Variants in CCDC175 observed in about 807,000 individuals in gnomAD.
The protein encoded by CCDC175 is coiled-coil domain containing 175, also known as coiled-coil domain-containing protein 175.
A neutral mutation model predicts 114.6 loss-of-function variants in CCDC175; 100 were observed. The ratio of observed to expected loss-of-function variants is 0.87; its 90% CI spans 0.74 to 1.03. The LOEUF (loss-of-function observed/expected upper bound fraction) is 1.03. CCDC175 is among the 50% of genes least tolerant of loss of function. The pLI is 0.00. For missense variants in CCDC175, 880 were observed against 917.8 expected (o/e 0.96, Z 0.53); for synonymous variants, 306 against 308.7 (o/e 0.99, Z 0.09).
intron 3 of CCDC175, among the ~76,000 whole-genome samples, chr14:59,570,660 C>T (rs989205617): frequency 2.0e-5 from 3 of 152,146 alleles, no homozygotes; most frequent in Admixed American, 1.3e-4. Flanking sequence ...GACCTTTATA[C>T]CCTCATAGTG....
intron 13 of CCDC175, among the ~76,000 whole-genome samples, chr14:59,532,179 C>T (rs1486207264): frequency 1.3e-5 from 2 of 152,202 alleles, no homozygotes; most frequent in African/African-American, 4.8e-5. Flanking sequence ...TCTGCTATAT[C>T]TCTATGAACA....
intron 8 of CCDC175, among the ~76,000 whole-genome samples, chr14:59,546,960 C>T (rs1895146900): frequency 6.6e-6 from 1 of 152,034 alleles, no homozygotes; most frequent in African/African-American, 2.4e-5. Flanking sequence ...CTACTATAGG[C>T]CAGGTGTGGT....
intron 14 of CCDC175, among the ~76,000 whole-genome samples, chr14:59,529,852 T>C (rs1489650816): frequency 2.0e-5 from 3 of 152,232 alleles, no homozygotes; most frequent in African/African-American, 7.2e-5. Context: ...TGCCATTCTC[T>C]GCAAGCGTAA....
At chr14:59,559,046 C>T (rs1442109797) in intron 7 of CCDC175, among the ~76,000 whole-genome samples, 2 of 152,124 alleles carry the variant, frequency 1.3e-5, no homozygotes, top group African/African-American at 2.4e-5. Context: ...CAGGAATTGA[C>T]TAGACCACTA....
At chr14:59,528,264 A>G (rs1223730360) in intron 14 of CCDC175, among the ~76,000 whole-genome samples, 1 of 151,962 alleles carries the variant, frequency 6.6e-6, no homozygotes, top group Non-Finnish European at 1.5e-5. Flanking sequence ...TCTCTCTAGG[A>G]GCTTTTAGGA....
At chr14:59,551,098 T>C (rs1226309472) in intron 8 of CCDC175, 1 of 266,980 alleles carries the variant, frequency 3.7e-6, no homozygotes, top group South Asian at 1.3e-4. Context: ...CCATTAATCA[T>C]GGATAGTCCT....
intron 17 of CCDC175, among the ~76,000 whole-genome samples, chr14:59,512,430 G>A (rs1389175688): frequency 6.6e-6 from 1 of 152,172 alleles, no homozygotes; most frequent in African/African-American, 2.4e-5. Context: ...TCCCTGGTTG[G>A]CAACACTTTG....
chr14:59,541,294 A>G (rs1182187654), intron 10 of CCDC175, among the ~76,000 whole-genome samples: 2 of 152,196 alleles, frequency 1.3e-5, no homozygotes, highest in Non-Finnish European at 2.9e-5. Context: ...AGTTTCTTGA[A>G]CTGGGGAAAA....
chr14:59,568,146 C>T (rs962919124), intron 4 of CCDC175, 99 bp downstream of exon 4: 2 of 1,226,072 alleles, frequency 1.6e-6, no homozygotes, highest in African/African-American at 3.2e-5. Flanking sequence ...TCAACTCGCC[C>T]TGCCACAGTT....
chr14:59,538,838 A>G lies in CCDC175; in HGVS notation c.1358T>C (p.Val453Ala). 9.1e-6 allele frequency: 14 copies of G among 1,530,536 alleles called. No homozygotes were observed. Among genetic ancestry groups the G allele is most frequent in the Non-Finnish European group, 1.2e-5 (14 of 1,145,156 alleles). 94.8% of individuals were successfully genotyped at this position (1,530,536 alleles called of 1,614,324 possible). The stretch of plus-strand genomic sequence containing the variant: ...GCAAGCCATTTTCCACTGAGTTATA[A>G]CACTAGAGATTAGAGCAAAAAGAAT... ...ANLERESQRC[V>A]ITQWKMACLR... Residue 453 changes from valine (V) to alanine (A), a missense_variant and splice_region_variant, in exon 12 of 20, where the codon GTT (valine) becomes GCT (alanine). Physicochemically the swap from Val to Ala is moderately conservative, Grantham distance 64. Coordinates refer to ENST00000537690, the MANE Select transcript of CCDC175 (RefSeq NM_001164399.2).
Position 59,538,153 on chromosome 14 carries a change from G to T in CCDC175, c.1493C>A (p.Thr498Asn). ...ACTGATCTCCTGTTGTCTGAAACTG[G>T]TCTAATTAGAGAAAAATAAGAATTT... ...EVRRIELLNETSFRQQEISGF... is the reference protein window; with the variant it reads ...EVRRIELLNENSFRQQEISGF... The change falls in exon 13 of 20, where the codon ACC becomes AAC. Residue 498 changes from threonine to asparagine, a missense_variant and splice_region_variant. Coordinates refer to ENST00000537690, the MANE Select transcript of CCDC175 (RefSeq NM_001164399.2). 1 of 1,531,118 alleles carries T rather than the reference G, an allele frequency of 6.5e-7. No individual in the cohort carries two copies. The highest frequency in any genetic ancestry group is 8.7e-7 in the Non-Finnish European group (1 of 1,144,128). The allele number at this position is 1,531,118 out of a possible 1,614,324, so 94.8% of individuals were successfully genotyped here.
intron 3 of CCDC175, among the ~76,000 whole-genome samples, chr14:59,572,129 G>T (rs1442018451): frequency 6.6e-6 from 1 of 152,142 alleles, no homozygotes; most frequent in African/African-American, 2.4e-5. Flanking sequence ...CCTGCATTTG[G>T]ATACCATGTT....
intron 8 of CCDC175, among the ~76,000 whole-genome samples, chr14:59,546,520 A>G (rs893899576): frequency 6.6e-6 from 1 of 152,234 alleles, no homozygotes; most frequent in Non-Finnish European, 1.5e-5. Context: ...TTCTAGGAGA[A>G]TGAAGAATCC....
intron 7 of CCDC175, among the ~76,000 whole-genome samples, chr14:59,556,657 C>G (rs1328167760): frequency 6.6e-6 from 1 of 152,126 alleles, no homozygotes; most frequent in Non-Finnish European, 1.5e-5. Context: ...AAGAAACTAC[C>G]ATCAGAGTGA....
At chr14:59,556,786 C>A (rs1345549160) in intron 7 of CCDC175, among the ~76,000 whole-genome samples, 4 of 152,122 alleles carry the variant, frequency 2.6e-5, no homozygotes, top group Non-Finnish European at 2.9e-5. Context: ...ACAAACAACA[C>A]CATCAAAAAG....
At chr14:59,505,458 CAT>C (rs1892294142) in intron 19 of CCDC175, 143 bp from the exon 20 acceptor site, 2 of 416,458 alleles carry the variant, frequency 4.8e-6, no homozygotes, top group Admixed American at 3.9e-5. Flanking sequence ...GGAGGGGTGT[CAT>C]GTGTCTGATT....
chr14:59,506,275 A>ATT (rs35322741), intron 19 of CCDC175, among the ~76,000 whole-genome samples: 11 of 136,044 alleles, frequency 8.1e-5, no homozygotes, highest in East Asian at 2.2e-4. Context: ...GAGCACAGGG[A>ATT]TTTTTTTTTT....
chr14:59,574,860 C>T (rs1296418488), intron 2 of CCDC175, 83 bp downstream of exon 2: 5 of 731,884 alleles, frequency 6.8e-6, no homozygotes, highest in African/African-American at 1.8e-5. Context: ...CTACTTAATA[C>T]TTTGAACAGA....
chr14:59,555,892 G>A (rs1330320812), intron 7 of CCDC175, among the ~76,000 whole-genome samples: 1 of 152,040 alleles, frequency 6.6e-6, no homozygotes, highest in African/African-American at 2.4e-5. Context: ...AAAATACCTA[G>A]GAATCCAACT....
Sources: gnomAD v4.1 joint callset for allele counts (sites outside exome capture counted in the v4.1 genomes callset) on GRCh38, gnomAD v4.1.1 for gene constraint, MANE v1.5 for transcripts, NCBI Gene and HGNC (gene_info 2026-07-23, HGNC 2026-07-21) for gene names.